The following USP1 variants were observed in gnomAD, a reference collection of about 807,000 sequenced individuals.
USP1 encodes ubiquitin carboxyl-terminal hydrolase 1.
Under a neutral mutation model 72.2 loss-of-function variants are expected in USP1, and 18 were observed. That is an observed-to-expected ratio of 0.25 (90% CI 0.17 to 0.37). The LOEUF is 0.37. Ranked by LOEUF, USP1 falls within the 10% of genes least tolerant of loss-of-function variation. The pLI, the probability that USP1 is intolerant of heterozygous loss-of-function variation, is 1.00. For synonymous variants in USP1, 354 were observed against 303.7 expected, an observed-to-expected ratio of 1.17 and a Z score of -1.72; for missense variants, 759 against 884.9, an observed-to-expected ratio of 0.86 and a Z score of 1.81.
intron 6 of USP1, among the ~76,000 whole-genome samples, chr1:62,446,106 A>G (rs1403196986): frequency 6.6e-6 from 1 of 152,228 alleles, no homozygotes; most frequent in African/African-American, 2.4e-5. Context: ...TGAAATTTTA[A>G]AAGTAAAGAC....
At chr1:62,436,949 C>T (rs1278454464), upstream of USP1, 5 of 395,590 alleles carry the variant, frequency 1.3e-5, no homozygotes, top group East Asian at 1.1e-4. Flanking sequence ...TTTCGTGTCT[C>T]TGCAGCGTGG....
chr1:62,448,417 T>G, intron 7 of USP1, 48 bp from the exon 8 acceptor site: 3 of 1,558,206 alleles, frequency 1.9e-6, no homozygotes, highest in Non-Finnish European at 2.6e-6. Context: ...TGGTTTATTT[T>G]TTGAATGCCT....
Position 62,450,427 on chromosome 1 carries a change from G to A in USP1, c.1804G>A (p.Asp602Asn). ...GHYTASVKVTDLNSLELDKGN... is the reference protein window; with the variant it reads ...GHYTASVKVTNLNSLELDKGN... ...TTACACTGCTTCTGTTAAAGTCACT[G>A]ACCTTAACAGTTTAGAACTAGATAA... The change falls in exon 9 of 9, where the codon GAC becomes AAC. Residue 602 changes from aspartate (D) to asparagine (N), a missense_variant. Asp to Asn is a conservative substitution (Grantham distance 23). Coordinates refer to ENST00000339950, the MANE Select transcript of USP1 (RefSeq NM_003368.5). 2 of 1,614,098 alleles carry A rather than the reference G, an allele frequency of 1.2e-6. No homozygotes were observed. Among genetic ancestry groups the A allele is most frequent in the Non-Finnish European group, 1.7e-6 (2 of 1,180,032 alleles).
At chr1:62,441,293 T>C (rs1229252276) in intron 2 of USP1, among the ~76,000 whole-genome samples, 195 bp from the exon 3 acceptor site, 1 of 152,242 alleles carries the variant, frequency 6.6e-6, no homozygotes, top group African/African-American at 2.4e-5. Context: ...AATAATGTTT[T>C]TAAATGCTTT....
intron 8 of USP1, among the ~76,000 whole-genome samples, chr1:62,449,785 A>C (rs1645200864): frequency 6.6e-6 from 1 of 151,826 alleles, no homozygotes; most frequent in Non-Finnish European, 1.5e-5. Flanking sequence ...GGTGGCGGGC[A>C]CTTGTGGTCC....
intron 1 of USP1, among the ~76,000 whole-genome samples, chr1:62,439,247 C>T (rs34186185): frequency 0.016 from 2,413 of 152,184 alleles, 72 homozygotes; most frequent in African/African-American, 0.055. Flanking sequence ...TGCAATGGCA[C>T]GATCTCGGCT....
In USP1 at chr1:62,444,847, G is replaced by GT; in HGVS notation, c.668dup (p.Asn225LysfsTer8). 6.2e-7 allele frequency: 1 copy of GT among 1,612,976 alleles called. No individual in the cohort carries two copies. Among genetic ancestry groups the GT allele is most frequent in the Non-Finnish European group, 8.5e-7 (1 of 1,179,670 alleles). ...ATGCCAACTCCTAAAAAAAGAAGAA[G>GT]TAAAAAATGTGGCAGAATTACCTAC... On this transcript the variant is annotated frameshift_variant, in exon 6 of 9. Transcript: ENST00000339950. LOFTEE classifies it high-confidence loss of function.
chr1:62,441,706 C>T (rs1645135634), intron 3 of USP1, 98 bp downstream of exon 3: 2 of 1,333,198 alleles, frequency 1.5e-6, no homozygotes, highest in East Asian at 5.1e-5. Context: ...AATGTCCATA[C>T]TGTCTTTGCC....
Position 62,451,595 on chromosome 1 carries a change from CTT to C in USP1, c.*618_*619del, listed in dbSNP as rs1473572382. On this transcript the variant is annotated 3_prime_UTR_variant, in exon 9 of 9. Coordinates refer to ENST00000339950, the MANE Select transcript of USP1 (RefSeq NM_003368.5). ...AAGATGATTCTGTACCCTAGTATAT[CTT>C]TTTGGGCATGGACTAATTTGTATCT... 6.5e-6 allele frequency: 1 copy of C among 152,682 alleles called. No individual in the cohort carries two copies. Among genetic ancestry groups the C allele is most frequent in the Non-Finnish European group, 1.5e-5 (1 of 68,086 alleles). 9.5% of individuals were successfully genotyped at this position (152,682 alleles called of 1,614,324 possible).
intron 3 of USP1, 144 bp downstream of exon 3, chr1:62,441,752 TAA>T: frequency 2.0e-6 from 2 of 1,018,286 alleles, no homozygotes; most frequent in Non-Finnish European, 2.7e-6. Context: ...GCTAAAATAA[TAA>T]GTTACATGTT....
At chr1:62,436,829 C>T (rs1645090662), upstream of USP1, 1 of 312,334 alleles carries the variant, frequency 3.2e-6, no homozygotes, top group East Asian at 5.0e-5. Context: ...TCTGTGCCTG[C>T]GTTGTTTGAA....
chr1:62,440,157 C>T (rs1645122567), intron 2 of USP1, 120 bp downstream of exon 2: 1 of 864,576 alleles, frequency 1.2e-6, no homozygotes, highest in South Asian at 4.0e-5. Flanking sequence ...CTTCAGTGTA[C>T]TTCTTAGTCA....
At chr1:62,444,187 A>C (rs1645153097) in intron 5 of USP1, among the ~76,000 whole-genome samples, 1 of 136,968 alleles carries the variant, frequency 7.3e-6, no homozygotes, top group African/African-American at 2.8e-5. Flanking sequence ...TGAACCCGGG[A>C]GGCGGCGGTT....
intron 7 of USP1, among the ~76,000 whole-genome samples, chr1:62,448,089 T>C (rs1645188893): frequency 6.6e-6 from 1 of 152,146 alleles, no homozygotes; most frequent in Non-Finnish European, 1.5e-5. Flanking sequence ...CCTGGCCTAC[T>C]GAGGTTGTTT....
rs1645214069 is a variant in USP1, at chr1:62,451,129, A to G, written c.*148A>G. 1 of 810,164 alleles carries G rather than the reference A, an allele frequency of 1.2e-6. No homozygotes were observed. Among genetic ancestry groups the G allele is most frequent in the African/African-American group, 1.8e-5 (1 of 55,908 alleles). 50.2% of individuals were successfully genotyped at this position (810,164 alleles called of 1,614,324 possible). A position where few individuals can be genotyped will look rare whatever the true frequency, so the allele number is the denominator to read the frequency against. On this transcript the variant is annotated 3_prime_UTR_variant, in exon 9 of 9. Coordinates refer to ENST00000339950, the MANE Select transcript of USP1 (RefSeq NM_003368.5). ...TTTTTATATAAATAGTGAAATTTGAATTACTGAAAACCATGTTAATTTTTA... is the reference window on the plus strand; with the variant it reads ...TTTTTATATAAATAGTGAAATTTGAGTTACTGAAAACCATGTTAATTTTTA...
chr1:62,445,889 G>A (rs1013115689), intron 6 of USP1, among the ~76,000 whole-genome samples: 1 of 152,126 alleles, frequency 6.6e-6, no homozygotes, highest in African/African-American at 2.4e-5. Context: ...TGAGGCAGGA[G>A]AATCGCCTGA....
Position 62,450,227 on chromosome 1 carries a change from T to C in USP1, c.1623-19T>C. 1 of 1,584,662 alleles carries C rather than the reference T, an allele frequency of 6.3e-7. No individual in the cohort carries two copies. Among genetic ancestry groups the C allele is most frequent in the Non-Finnish European group, 8.6e-7 (1 of 1,166,344 alleles). On this transcript the variant is annotated intron_variant, in intron 8 of 8. Transcript: ENST00000339950. ...TAAAATAGAACTGCAGGAAACCTTT[T>C]CTTTTTTTCCTCCCAAAGGTTTGAT...
At chr1:62,444,442 G>A (rs78309372) in intron 5 of USP1, among the ~76,000 whole-genome samples, 119 of 152,144 alleles carry the variant, frequency 7.8e-4, no homozygotes, top group African/African-American at 2.7e-3. Context: ...TGAAGATAAT[G>A]TATACATAGG....
chr1:62,437,012 C>A, upstream of USP1: 1 of 398,026 alleles, frequency 2.5e-6, no homozygotes, highest in Non-Finnish European at 4.4e-6. Flanking sequence ...AGCGCTGGCG[C>A]GGGCGGAGGC....
Sources: gnomAD v4.1 joint callset for allele counts (sites outside exome capture counted in the v4.1 genomes callset) on GRCh38, gnomAD v4.1.1 for gene constraint, MANE v1.5 for transcripts, NCBI Gene and HGNC (gene_info 2026-07-23, HGNC 2026-07-21) for gene names.